Variants in SOX6 observed in about 807,000 individuals in gnomAD.
SOX6 encodes SRY-box transcription factor 6.
In SOX6, 11 loss-of-function variants were observed where a neutral mutation model predicts 97.8. The ratio of observed to expected loss-of-function variants is 0.11; its 90% CI spans 0.07 to 0.19. The LOEUF (loss-of-function observed/expected upper bound fraction) is 0.19, where lower values mean the gene tolerates loss of function less well. Ranked by LOEUF, SOX6 falls within the 10% of genes least tolerant of loss-of-function variation. The probability of loss-of-function intolerance (pLI) is 1.00; values close to 1 mark genes in which losing one functional copy is unlikely to be tolerated. For missense variants in SOX6, 810 were observed against 1,039.5 expected (o/e 0.78, Z 3.04); for synonymous variants, 360 against 371.4 (o/e 0.97, Z 0.35).
chr11:16,432,367 C>G (rs1177119515), intron 1 of SOX6, among the ~76,000 whole-genome samples: 1 of 152,104 alleles, frequency 6.6e-6, no homozygotes, highest in Non-Finnish European at 1.5e-5. Context: ...GTAACTATCT[C>G]TCTTTAAGTC....
chr11:16,044,787 C>T (rs564427443), intron 12 of SOX6, among the ~76,000 whole-genome samples: 2 of 152,130 alleles, frequency 1.3e-5, no homozygotes, highest in Non-Finnish European at 2.9e-5. Context: ...TTTTCCCATG[C>T]CCCAAATTCA....
At chr11:16,450,323 T>C (rs909134801) in intron 1 of SOX6, among the ~76,000 whole-genome samples, 16 of 152,184 alleles carry the variant, frequency 1.1e-4, no homozygotes, top group Admixed American at 3.3e-4. Context: ...AATACAGAAC[T>C]TGGAAGCATG....
chr11:16,166,676 G>C (rs1850895022), intron 6 of SOX6, among the ~76,000 whole-genome samples: 1 of 152,174 alleles, frequency 6.6e-6, no homozygotes, highest in African/African-American at 2.4e-5. Context: ...GCTCAGAAGA[G>C]AAAGAGATAA....
intron 3 of SOX6, among the ~76,000 whole-genome samples, chr11:16,299,312 T>A (rs1316374484): frequency 6.6e-6 from 1 of 152,148 alleles, no homozygotes. Flanking sequence ...ATGTATTTTA[T>A]CCCAAGTGAT....
intron 9 of SOX6, among the ~76,000 whole-genome samples, chr11:16,085,160 A>C (rs998902812): frequency 6.6e-6 from 1 of 152,104 alleles, no homozygotes; most frequent in Admixed American, 6.6e-5. Context: ...TTTGGCCATG[A>C]AGAGGATGTT....
chr11:16,312,223 C>G (rs1306445269), intron 3 of SOX6: 1 of 152,152 alleles, frequency 6.6e-6, no homozygotes, highest in Non-Finnish European at 1.5e-5. Context: ...TTCATTTATT[C>G]TAATATTTCT....
chr11:16,198,953 T>C (rs1049010481), intron 4 of SOX6, among the ~76,000 whole-genome samples: 1 of 152,180 alleles, frequency 6.6e-6, no homozygotes. Context: ...TTCCTACGTG[T>C]CAGCTCCTTA....
chr11:16,596,439 C>T lies in SOX6; in HGVS notation n.609+15642G>A, dbSNP rs142449831. On this transcript the variant is annotated intron_variant and non_coding_transcript_variant, in intron 4 of 5. Transcript: ENST00000524520. ...TCTAGGAATCACAAAGAAACATGTA[C>T]GAGACATTTCAGTGTCAGATCTACA... is the stretch of plus-strand genomic sequence containing the variant. Among the ~76,000 whole-genome samples the T allele has an allele frequency of 1.9e-3, 283 of 152,236 alleles. 1 individual carries two copies. Among genetic ancestry groups the T allele is most frequent in the African/African-American group, 5.0e-3 (209 of 41,550 alleles).
chr11:16,487,825 A>T (rs1020944416), intron 4 of SOX6, among the ~76,000 whole-genome samples: 21 of 152,172 alleles, frequency 1.4e-4, no homozygotes, highest in Non-Finnish European at 2.4e-4. Flanking sequence ...CTTAACCACA[A>T]ATAATGACTT....
intron 1 of SOX6, among the ~76,000 whole-genome samples, chr11:16,400,513 T>G (rs1858526123): frequency 6.6e-6 from 1 of 151,520 alleles, no homozygotes; most frequent in Admixed American, 6.6e-5. Flanking sequence ...AAGTCACTGA[T>G]GTAATGGTAA....
intron 1 of SOX6, among the ~76,000 whole-genome samples, chr11:16,344,403 T>C (rs983207888): frequency 2.6e-5 from 4 of 152,000 alleles, no homozygotes; most frequent in Non-Finnish European, 5.9e-5. Context: ...ATAATCCTGA[T>C]GACATCTCAT....
At chr11:16,327,725 G>A (rs1051911384) in intron 2 of SOX6, among the ~76,000 whole-genome samples, 4 of 152,058 alleles carry the variant, frequency 2.6e-5, no homozygotes, top group East Asian at 1.9e-4. Flanking sequence ...AGTGGGCTGG[G>A]GTTGCAAAAG....
chr11:15,970,232 GT>G lies in SOX6; in HGVS notation c.*2576del, dbSNP rs1317200990. Reference sequence around the variant, plus strand: ...CGAAACAACATCTGTGAGTGTGTGTGTTTTTTGTTTTTTTTTACTTACTATG... The same window carrying G: ...CGAAACAACATCTGTGAGTGTGTGTGTTTTTGTTTTTTTTTACTTACTATG... On this transcript the variant is annotated 3_prime_UTR_variant, in exon 16 of 16. Transcript: ENST00000683767. 1 of 152,262 alleles carries G rather than the reference GT, an allele frequency of 6.6e-6. No individual in the cohort carries two copies. The highest frequency in any genetic ancestry group is 1.5e-5 in the Non-Finnish European group (1 of 67,944). 9.4% of individuals were successfully genotyped at this position (152,262 alleles called of 1,614,324 possible). A position where few individuals can be genotyped will look rare whatever the true frequency, so the allele number is the denominator to read the frequency against.
chr11:16,355,717 T>C (rs1436720719), intron 1 of SOX6, among the ~76,000 whole-genome samples: 2 of 151,996 alleles, frequency 1.3e-5, no homozygotes, highest in Non-Finnish European at 2.9e-5. Flanking sequence ...GCCGTGTATA[T>C]TGGAAAGATT....
chr11:16,375,676 T>G (rs917385745), intron 1 of SOX6, among the ~76,000 whole-genome samples: 2 of 152,046 alleles, frequency 1.3e-5, no homozygotes, highest in Non-Finnish European at 2.9e-5. Flanking sequence ...AAAGAGCTAA[T>G]GCACACCCAG....
chr11:16,541,464 A>T (rs910972081), intron 4 of SOX6, among the ~76,000 whole-genome samples: 1 of 152,176 alleles, frequency 6.6e-6, no homozygotes, highest in East Asian at 1.9e-4. Flanking sequence ...AAGCCAAAAT[A>T]GACAAATGGA....
chr11:16,695,605 A>G (rs189415848), intron 3 of SOX6, among the ~76,000 whole-genome samples: 209 of 152,314 alleles, frequency 1.4e-3, no homozygotes, highest in African/African-American at 4.8e-3. Flanking sequence ...TAGCCCCTTC[A>G]AGGAGTTTGT....
At chr11:16,412,162 T>C (rs1858833151) in intron 1 of SOX6, among the ~76,000 whole-genome samples, 1 of 152,222 alleles carries the variant, frequency 6.6e-6, no homozygotes, top group Non-Finnish European at 1.5e-5. Context: ...CTGGATTTTA[T>C]CTATTTATAT....
rs536720741 is a variant in SOX6 at position 16,338,099 on chromosome 11, G to C, written c.237+2913C>G. 7.9e-5 allele frequency among the ~76,000 whole-genome samples: 12 copies of C among 152,120 alleles called. 1 individual carries two copies. The South Asian group carries it at 2.5e-3, about 32-fold the overall frequency. On this transcript the variant is annotated intron_variant, in intron 2 of 15. Coordinates refer to ENST00000683767, the MANE Select transcript of SOX6 (RefSeq NM_001367873.1). ...CAGTTCATGAATGAGGGCCATGAGG[G>C]CCATTACAGAAAGTAAATAACAATG...
Sources: allele counts gnomAD v4.1 joint callset (sites outside exome capture counted in the v4.1 genomes callset), GRCh38; gene constraint gnomAD v4.1.1; transcripts MANE v1.5; gene names NCBI Gene and HGNC (gene_info 2026-07-23, HGNC 2026-07-21).